The following ARHGEF10 variants were observed in gnomAD, a reference collection of about 807,000 sequenced individuals.
ARHGEF10 encodes the protein Rho guanine nucleotide exchange factor 10.
A neutral mutation model predicts 147.4 loss-of-function variants in ARHGEF10; 140 were observed. That is an observed-to-expected ratio of 0.95 (90% CI 0.83 to 1.09). The LOEUF is 1.09. Ranked by LOEUF, ARHGEF10 falls within the 50% of genes least tolerant of loss-of-function variation. The pLI, the probability that ARHGEF10 is intolerant of heterozygous loss-of-function variation, is 0.00. For synonymous variants in ARHGEF10, 902 were observed against 695.8 expected (o/e 1.30, Z -4.67); for missense variants, 2,222 against 1,752.7 (o/e 1.27, Z -4.78).
chr8:1,903,843 C>A, intron 16 of ARHGEF10: 1 of 278,882 alleles, frequency 3.6e-6, no homozygotes, highest in Non-Finnish European at 6.9e-6. Context: ...CCTGTAAGCC[C>A]AGCACTTTGG....
intron 2 of ARHGEF10, 61 bp from the exon 3 acceptor site, chr8:1,857,898 CT>C (rs1373719927): frequency 7.3e-5 from 86 of 1,178,826 alleles, no homozygotes; most frequent in South Asian, 6.6e-4. Context: ...ATCTATCTAT[CT>C]ATCTATCTAT....
rs915428078 is a variant in ARHGEF10 at position 1,958,025 on chromosome 8, T to C, written c.*762T>C. On this transcript the variant is annotated 3_prime_UTR_variant, in exon 29 of 29. Transcript: ENST00000349830. Reference sequence around the variant, plus strand: ...GACTCAAGCATCAACACCAAATTATTCCTCCCTTCTCGTATAAATAGAGTG... The same window carrying C: ...GACTCAAGCATCAACACCAAATTATCCCTCCCTTCTCGTATAAATAGAGTG... 1 of 152,230 alleles carries C rather than the reference T, an allele frequency of 6.6e-6. No individual in the cohort carries two copies. The highest frequency in any genetic ancestry group is 1.5e-5 in the Non-Finnish European group (1 of 68,044). The allele number at this position is 152,230 out of a possible 1,614,324, so 9.4% of individuals were successfully genotyped here. A position where few individuals can be genotyped will look rare whatever the true frequency, so the allele number is the denominator to read the frequency against.
chr8:1,824,475 G>A (rs10090061), intron 1 of ARHGEF10, among the ~76,000 whole-genome samples: 36,377 of 151,802 alleles, frequency 0.24, 4,494 homozygotes, highest in Middle Eastern at 0.32. Context: ...TCCGGTAAAG[G>A]AGAAGAATGC....
intron 9 of ARHGEF10, 69 bp downstream of exon 9, chr8:1,880,233 G>A (rs1223914569): frequency 3.7e-6 from 4 of 1,080,756 alleles, no homozygotes; most frequent in African/African-American, 1.5e-5. Flanking sequence ...GCGCGGCTCG[G>A]TCGGTCCTTG....
chr8:1,847,425 G>C (rs1804641049), intron 2 of ARHGEF10, among the ~76,000 whole-genome samples: 1 of 152,170 alleles, frequency 6.6e-6, no homozygotes, highest in Non-Finnish European at 1.5e-5. Flanking sequence ...TCTCTAATTA[G>C]TAGCAAAATT....
In ARHGEF10 at chr8:1,880,284, T is replaced by C. The variant is rs11992813; in HGVS notation, c.960+120T>C. The C allele has an allele frequency of 0.65, 477,238 of 728,776 alleles. 160,379 individuals are homozygous for C. The highest frequency in any genetic ancestry group is 0.98 in the East Asian group (36,663 of 37,580). The allele number at this position is 728,776 out of a possible 1,614,324, so 45.1% of individuals were successfully genotyped here. A position where few individuals can be genotyped will look rare whatever the true frequency, so the allele number is the denominator to read the frequency against. ...TTCTCAAAGGGTGGTCCGGGGCTCCTGGAATCCCCCGACGCTTTGGGGCTC... is the reference window on the plus strand; with the variant it reads ...TTCTCAAAGGGTGGTCCGGGGCTCCCGGAATCCCCCGACGCTTTGGGGCTC... On this transcript the variant is annotated intron_variant, in intron 9 of 28. Transcript: ENST00000349830.
intron 14 of ARHGEF10, among the ~76,000 whole-genome samples, chr8:1,897,730 A>G (rs939730351): frequency 3.3e-5 from 5 of 151,960 alleles, no homozygotes; most frequent in East Asian, 3.9e-4. Context: ...TTAAGAGCTC[A>G]CTCCCTCTGG....
intron 24 of ARHGEF10, among the ~76,000 whole-genome samples, 179 bp downstream of exon 24, chr8:1,928,829 C>T (rs897182584): frequency 1.3e-5 from 2 of 152,120 alleles, no homozygotes; most frequent in Non-Finnish European, 2.9e-5. Context: ...GTGAATTGGG[C>T]CCATGGAAAT....
intron 25 of ARHGEF10, among the ~76,000 whole-genome samples, chr8:1,930,364 C>G (rs962731172): frequency 6.6e-6 from 1 of 152,210 alleles, no homozygotes; most frequent in African/African-American, 2.4e-5. Flanking sequence ...CATCACCACC[C>G]TGGTCCACAC....
intron 18 of ARHGEF10, among the ~76,000 whole-genome samples, chr8:1,919,829 G>C (rs1428742770): frequency 6.9e-6 from 1 of 144,874 alleles, no homozygotes; most frequent in East Asian, 2.1e-4. Flanking sequence ...GTGATGAGCT[G>C]TTCTGTCAGT....
intron 13 of ARHGEF10, 24 bp from the exon 14 acceptor site, chr8:1,896,309 T>G (rs750611553): frequency 6.5e-7 from 1 of 1,531,888 alleles, no homozygotes. Flanking sequence ...GTGATTTCTC[T>G]CTGAATTTCC....
rs563247783 is a variant in ARHGEF10, at chr8:1,857,900, A to G, written c.38-60A>G. 1.4e-4 allele frequency: 169 copies of G among 1,220,858 alleles called. No individual in the cohort carries two copies. The African/African-American group carries it at 1.9e-3, about 14-fold the overall frequency. 75.6% of individuals were successfully genotyped at this position (1,220,858 alleles called of 1,614,324 possible). On this transcript the variant is annotated intron_variant, in intron 2 of 28. Coordinates refer to ENST00000349830, the MANE Select transcript of ARHGEF10 (RefSeq NM_014629.4). ...GATCGATCTATCTATCTATCTATCT[A>G]TCTATCTATCTATCTATCTATCTAT...
At chr8:1,917,605 G>A (rs766162285) in intron 18 of ARHGEF10, among the ~76,000 whole-genome samples, 37 of 152,134 alleles carry the variant, frequency 2.4e-4, no homozygotes, top group Admixed American at 4.6e-4. Context: ...AGAAGCGTCC[G>A]TGAGAAAGAC....
intron 26 of ARHGEF10, among the ~76,000 whole-genome samples, chr8:1,944,859 G>A (rs993093518): frequency 3.3e-5 from 5 of 152,248 alleles, no homozygotes; most frequent in Admixed American, 2.6e-4. Flanking sequence ...CCATGTTGGG[G>A]GGTCGCTGTG....
intron 18 of ARHGEF10, among the ~76,000 whole-genome samples, chr8:1,918,612 C>G (rs541433268): frequency 6.6e-6 from 1 of 152,102 alleles, no homozygotes; most frequent in African/African-American, 2.4e-5. Flanking sequence ...CTAAATCAAG[C>G]TAAGTAGCTT....
intron 2 of ARHGEF10, among the ~76,000 whole-genome samples, chr8:1,845,211 T>TGCCCCAGCAGA (rs1804460149): frequency 6.6e-6 from 1 of 152,238 alleles, no homozygotes; most frequent in Non-Finnish European, 1.5e-5. Flanking sequence ...AATGAGATGA[T>TGCCCCAGCAGA]GCCCCAGCAG....
chr8:1,923,428 T>G, intron 19 of ARHGEF10, 40 bp from the exon 20 acceptor site: 1 of 1,613,996 alleles, frequency 6.2e-7, no homozygotes, highest in Non-Finnish European at 8.5e-7. Context: ...GCCCTAGTTT[T>G]TAAACACTTT....
At chr8:1,866,634 C>T in intron 6 of ARHGEF10, 32 bp downstream of exon 6, 1 of 1,592,586 alleles carries the variant, frequency 6.3e-7, no homozygotes, top group Non-Finnish European at 8.5e-7. Context: ...AGCCAGAATC[C>T]TCACCACGCT....
chr8:1,924,571 C>T (rs1176405460), intron 21 of ARHGEF10, among the ~76,000 whole-genome samples: 1 of 152,178 alleles, frequency 6.6e-6, no homozygotes, highest in Non-Finnish European at 1.5e-5. Context: ...ACGCCATTGC[C>T]CCGGGGAGCT....
Sources: allele counts gnomAD v4.1 joint callset (sites outside exome capture counted in the v4.1 genomes callset), GRCh38; gene constraint gnomAD v4.1.1; transcripts MANE v1.5; gene names NCBI Gene and HGNC (gene_info 2026-07-23, HGNC 2026-07-21).